CDK13: variants seen among roughly 807,000 people sequenced by gnomAD.
The protein encoded by CDK13 is cyclin dependent kinase 13.
A neutral mutation model predicts 137.6 loss-of-function variants in CDK13; 40 were observed. The ratio of observed to expected loss-of-function variants is 0.29; its 90% CI spans 0.23 to 0.38. The LOEUF (loss-of-function observed/expected upper bound fraction) is 0.38, where lower values mean the gene tolerates loss of function less well. Ranked by LOEUF, CDK13 falls within the 10% of genes least tolerant of loss-of-function variation. CDK13 has a pLI of 1.00. For missense variants in CDK13, 1,704 were observed against 1,951.8 expected, an observed-to-expected ratio of 0.87 and a Z score of 2.39; for synonymous variants, 869 against 760.1, an observed-to-expected ratio of 1.14 and a Z score of -2.36.
chr7:40,022,358 G>A (rs953167387), intron 5 of CDK13, among the ~76,000 whole-genome samples: 12 of 152,084 alleles, frequency 7.9e-5, no homozygotes, highest in African/African-American at 2.7e-4. Context: ...TGATACTAAC[G>A]AGAAATGGAA....
chr7:40,069,605 A>G (rs937219517), intron 9 of CDK13: 6 of 253,904 alleles, frequency 2.4e-5, no homozygotes, highest in Non-Finnish European at 4.9e-5. Context: ...CTCAGGAATG[A>G]TGAGACCTAG....
chr7:39,994,482 T>TA (rs1784522961), intron 2 of CDK13, among the ~76,000 whole-genome samples: 1 of 152,162 alleles, frequency 6.6e-6, no homozygotes, highest in Non-Finnish European at 1.5e-5. Context: ...TGTCTTTAGA[T>TA]ACATTCTATA....
chr7:39,978,484 A>T (rs956718424), intron 1 of CDK13, among the ~76,000 whole-genome samples: 1 of 152,230 alleles, frequency 6.6e-6, no homozygotes, highest in Admixed American at 6.5e-5. Flanking sequence ...AACTGGAAGG[A>T]CAGATAAAGA....
intron 5 of CDK13, among the ~76,000 whole-genome samples, chr7:40,027,900 C>T (rs553411311): frequency 2.5e-4 from 38 of 152,046 alleles, no homozygotes; most frequent in African/African-American, 8.7e-4. Flanking sequence ...ATAGAGCAAG[C>T]ACTGAGAAAT....
rs78621234 is a variant in CDK13, at chr7:40,088,122, T to C, written c.3030-4T>C. 1 of 1,601,680 alleles carries C rather than the reference T, an allele frequency of 6.2e-7. No individual in the cohort carries two copies. The highest frequency in any genetic ancestry group is 1.1e-5 in the South Asian group (1 of 88,870). On this transcript the variant is annotated splice_polypyrimidine_tract_variant and splice_region_variant and intron_variant, in intron 11 of 13. Transcript: ENST00000181839. Reference sequence around the variant, plus strand: ...TTACAATTTAATTCCTTTTTTTTTTTCAGTCTCCCTTTATGGCAAGATTGT... The same window carrying C: ...TTACAATTTAATTCCTTTTTTTTTTCCAGTCTCCCTTTATGGCAAGATTGT...
chr7:40,077,171 G>A (rs1786564385), intron 9 of CDK13, among the ~76,000 whole-genome samples: 1 of 152,164 alleles, frequency 6.6e-6, no homozygotes, highest in African/African-American at 2.4e-5. Context: ...TACTTAAATT[G>A]AAGAACTTTA....
At chr7:40,052,885 T>C (rs1231876355) in intron 7 of CDK13, among the ~76,000 whole-genome samples, 1 of 152,108 alleles carries the variant, frequency 6.6e-6, no homozygotes, top group Non-Finnish European at 1.5e-5. Context: ...TGCAGATGAG[T>C]GCAGGGAGCT....
At chr7:40,034,038 C>T (rs528822892) in intron 5 of CDK13, among the ~76,000 whole-genome samples, 52 of 152,296 alleles carry the variant, frequency 3.4e-4, no homozygotes, top group African/African-American at 1.2e-3. Context: ...ACAGAATGCT[C>T]TGGGCATATT....
intron 1 of CDK13, chr7:39,986,861 A>G (rs527570092): frequency 3.9e-5 from 6 of 152,132 alleles, no homozygotes; most frequent in African/African-American, 1.4e-4. Context: ...AATTTTTTTG[A>G]ATGGAGCCCT....
At chr7:40,027,109 C>T (rs886556437) in intron 5 of CDK13, among the ~76,000 whole-genome samples, 5 of 152,078 alleles carry the variant, frequency 3.3e-5, no homozygotes, top group South Asian at 4.1e-4. Flanking sequence ...TTTGGGAGCC[C>T]GAGGCGGGTG....
At chr7:39,992,163 GGTGTGTGTGTGTGTGTGT>G (rs140203379) in intron 2 of CDK13, among the ~76,000 whole-genome samples, 1 of 146,310 alleles carries the variant, frequency 6.8e-6, no homozygotes, top group African/African-American at 2.5e-5. Flanking sequence ...AACTAATGAG[GGTGTGTGTGTGTGTGTGT>G]GTGTGTGTGT....
chr7:39,966,144 C>G (rs999753384), intron 1 of CDK13, among the ~76,000 whole-genome samples: 4 of 152,154 alleles, frequency 2.6e-5, no homozygotes, highest in Non-Finnish European at 5.9e-5. Context: ...CTCTGCATTT[C>G]CTGAATCTGA....
In CDK13 at chr7:40,000,458, G is replaced by C. The variant is rs190585889; in HGVS notation, c.2182+958G>C. ...CTTGGGAGGCTGAGGCAGGAGAATT[G>C]CTTGAACCTTGGAGGTGGAGGTTGC... On this transcript the variant is annotated intron_variant, in intron 4 of 13. Coordinates refer to ENST00000181839, the MANE Select transcript of CDK13 (RefSeq NM_003718.5). Among the ~76,000 whole-genome samples, 4 of 152,322 alleles carry C rather than the reference G, an allele frequency of 2.6e-5. No homozygotes were observed. In the East Asian group the frequency reaches 7.7e-4, roughly 29 times the overall value.
chr7:40,086,102 A>T (rs527513747), intron 11 of CDK13, among the ~76,000 whole-genome samples: 3 of 152,326 alleles, frequency 2.0e-5, no homozygotes, highest in Admixed American at 2.0e-4. Context: ...AAAGCGCGTC[A>T]TGCTGTTTGT....
chr7:39,996,224 A>G (rs1488302414), intron 2 of CDK13, among the ~76,000 whole-genome samples: 2 of 152,186 alleles, frequency 1.3e-5, no homozygotes, highest in Non-Finnish European at 2.9e-5. Context: ...TTACAATTAC[A>G]TTATTTACAT....
At chr7:40,043,745 CTT>C (rs1448954712) in intron 5 of CDK13, among the ~76,000 whole-genome samples, 1 of 151,576 alleles carries the variant, frequency 6.6e-6, no homozygotes, top group Non-Finnish European at 1.5e-5. Context: ...AGGAAGATCA[CTT>C]GAGCTCAGAG....
At position 39,950,869 on chromosome 7, in the gene CDK13, C is replaced by G. The variant is rs1433884232; in HGVS notation, c.228C>G (p.Ala76=). The G allele has an allele frequency of 7.3e-7, 1 of 1,368,626 alleles. No individual in the cohort carries two copies. The highest frequency in any genetic ancestry group is 9.3e-7 in the Non-Finnish European group (1 of 1,072,014). The allele number at this position is 1,368,626 out of a possible 1,614,324, so 84.8% of individuals were successfully genotyped here. Residue 76 remains alanine, a synonymous_variant, in exon 1 of 14, where the codon GCC becomes GCG. Transcript: ENST00000181839. ...TAAAAAAAAA[A]SSSCFSPGPP... ...CCGCCGCAGCCGCCGCCGCCGCGGC[C>G]TCCTCCTCTTGCTTCAGCCCGGGCC...
intron 5 of CDK13, among the ~76,000 whole-genome samples, chr7:40,035,306 C>T (rs576054163): frequency 2.0e-5 from 3 of 152,272 alleles, no homozygotes; most frequent in Non-Finnish European, 4.4e-5. Flanking sequence ...AAAAACATCG[C>T]CTTAAACCAG....
chr7:40,083,820 G>A (rs959769832), intron 11 of CDK13, among the ~76,000 whole-genome samples: 1 of 152,040 alleles, frequency 6.6e-6, no homozygotes, highest in African/African-American at 2.4e-5. Context: ...CAAGTAAAGA[G>A]TATCAGATTG....
Sources: gnomAD v4.1 joint callset for allele counts (sites outside exome capture counted in the v4.1 genomes callset) on GRCh38, gnomAD v4.1.1 for gene constraint, MANE v1.5 for transcripts, NCBI Gene and HGNC (gene_info 2026-07-23, HGNC 2026-07-21) for gene names.